SUGCT: variants seen among roughly 807,000 people sequenced by gnomAD.
The protein encoded by SUGCT is succinyl-CoA:glutarate CoA-transferase.
A neutral mutation model predicts 55.0 loss-of-function variants in SUGCT; 41 were observed. The ratio of observed to expected loss-of-function variants is 0.74; its 90% CI spans 0.58 to 0.97. SUGCT has a LOEUF of 0.97. SUGCT is among the 50% of genes least tolerant of loss of function. The probability of loss-of-function intolerance (pLI) is 0.00; values close to 1 mark genes in which losing one functional copy is unlikely to be tolerated. For synonymous variants in SUGCT, 187 were observed against 200.4 expected (o/e 0.93, Z 0.56); for missense variants, 568 against 547.8 (o/e 1.04, Z -0.37).
intron 13 of SUGCT, among the ~76,000 whole-genome samples, chr7:40,810,120 TTTC>T (rs1159698996): frequency 6.6e-6 from 1 of 152,052 alleles, no homozygotes; most frequent in Non-Finnish European, 1.5e-5. Flanking sequence ...GGTAGAATGA[TTTC>T]TTTTCTTTTT....
At chr7:40,683,908 A>C in intron 12 of SUGCT, 1 of 1,135,364 alleles carries the variant, frequency 8.8e-7, no homozygotes. Context: ...AGGTCTCACC[A>C]GGCTAAAATC....
In SUGCT at chr7:40,329,566, G is replaced by A. The variant is rs1360756265; in HGVS notation, c.816+12711G>A. Among the ~76,000 whole-genome samples the A allele has an allele frequency of 2.6e-5, 4 of 152,296 alleles. No homozygotes were observed. In the East Asian group the frequency reaches 5.8e-4, roughly 22 times the overall value. On this transcript the variant is annotated intron_variant, in intron 9 of 13. Transcript: ENST00000335693. ...TCCTTCTCGCCTGAGGGTGAAAGCA[G>A]GTGCGAAATGCTCTGGGTCCTAGTG...
chr7:40,487,250 GTTTTTTTTT>G (rs1167865633), intron 11 of SUGCT, among the ~76,000 whole-genome samples: 1 of 42,906 alleles, frequency 2.3e-5, no homozygotes, highest in Non-Finnish European at 4.5e-5. Context: ...ACACCCAGCT[GTTTTTTTTT>G]TTTTTTTTTT....
chr7:40,230,349 G>C (rs1030552560), intron 6 of SUGCT, among the ~76,000 whole-genome samples: 4 of 152,154 alleles, frequency 2.6e-5, no homozygotes. Context: ...GGTAGTGAGT[G>C]GGGGCTAGGT....
chr7:40,218,208 G>C (rs1462568905), intron 6 of SUGCT, among the ~76,000 whole-genome samples: 1 of 152,142 alleles, frequency 6.6e-6, no homozygotes, highest in African/African-American at 2.4e-5. Context: ...GCTAGACTTT[G>C]TCTCAAAACA....
At chr7:40,474,301 T>C (rs1790545409) in intron 11 of SUGCT, among the ~76,000 whole-genome samples, 1 of 151,936 alleles carries the variant, frequency 6.6e-6, no homozygotes, top group African/African-American at 2.4e-5. Flanking sequence ...AGAAATGGTA[T>C]TGAGTGTGGG....
chr7:40,700,555 A>G (rs567409254), intron 12 of SUGCT, among the ~76,000 whole-genome samples: 1 of 152,290 alleles, frequency 6.6e-6, no homozygotes, highest in East Asian at 1.9e-4. Flanking sequence ...AATTATTTGT[A>G]TTTTTGTTGT....
chr7:41,007,375 G>A, the SUGCT span, among the ~76,000 whole-genome samples: 1 of 152,130 alleles, frequency 6.6e-6, no homozygotes, highest in South Asian at 2.1e-4. Context: ...TTAATCCAGA[G>A]TAAAGCTAGG....
At chr7:40,821,204 G>A (rs905986099) in intron 13 of SUGCT, among the ~76,000 whole-genome samples, 1 of 152,166 alleles carries the variant, frequency 6.6e-6, no homozygotes. Context: ...ATGTTCATCA[G>A]GGATGTTTGT....
intron 12 of SUGCT, among the ~76,000 whole-genome samples, chr7:40,667,020 T>G (rs1801677854): frequency 1.3e-5 from 2 of 150,006 alleles, no homozygotes; most frequent in Admixed American, 1.3e-4. Flanking sequence ...GAGGCTGAGG[T>G]AGGGGGATCA....
chr7:40,929,960 A>G, the SUGCT span, among the ~76,000 whole-genome samples: 1 of 152,088 alleles, frequency 6.6e-6, no homozygotes. Context: ...TTTTGTTGCC[A>G]TTGCTTTTGG....
chr7:40,892,787 C>T, the SUGCT span, among the ~76,000 whole-genome samples: 9 of 152,172 alleles, frequency 5.9e-5, no homozygotes, highest in Admixed American at 1.3e-4. Context: ...ATCCTCTCAT[C>T]GTGACCTCAC....
chr7:40,565,382 A>T (rs1201586918), intron 12 of SUGCT, among the ~76,000 whole-genome samples: 1 of 152,226 alleles, frequency 6.6e-6, no homozygotes, highest in Non-Finnish European at 1.5e-5. Flanking sequence ...AAGTAAAGGG[A>T]ATATGGCTTT....
rs1009532473 is a variant in SUGCT at position 40,163,421 on chromosome 7, C to T, written c.101-17526C>T. The stretch of plus-strand genomic sequence containing the variant: ...GAGATCAAGACCATCCTGGCTAACA[C>T]GGTGAAACCCCATCTCTACTACAAA... On this transcript the variant is annotated intron_variant, in intron 1 of 13. Coordinates refer to ENST00000335693, the MANE Select transcript of SUGCT (RefSeq NM_001193313.2). 8.5e-4 allele frequency among the ~76,000 whole-genome samples: 130 copies of T among 152,096 alleles called. 1 individual carries two copies. Among genetic ancestry groups the T allele is most frequent in the Admixed American group, 6.9e-3 (105 of 15,270 alleles).
chr7:40,671,658 A>G (rs962913349), intron 12 of SUGCT, among the ~76,000 whole-genome samples: 1 of 152,182 alleles, frequency 6.6e-6, no homozygotes, highest in East Asian at 1.9e-4. Flanking sequence ...CTAACAAAAC[A>G]TATATAGCAC....
chr7:40,606,340 G>A (rs556433177), intron 12 of SUGCT, among the ~76,000 whole-genome samples: 2 of 152,166 alleles, frequency 1.3e-5, no homozygotes, highest in Admixed American at 6.5e-5. Flanking sequence ...TGCTGCAGTC[G>A]TGAGTTTCAC....
At chr7:40,843,139 G>A (rs1793360789) in intron 13 of SUGCT, among the ~76,000 whole-genome samples, 1 of 152,174 alleles carries the variant, frequency 6.6e-6, no homozygotes, top group Non-Finnish European at 1.5e-5. Flanking sequence ...AGATGTACAT[G>A]AAAAGGACTC....
intron 13 of SUGCT, among the ~76,000 whole-genome samples, chr7:40,850,908 G>T (rs1230340793): frequency 6.6e-6 from 1 of 152,174 alleles, no homozygotes; most frequent in African/African-American, 2.4e-5. Flanking sequence ...AGTTGCTAAG[G>T]TCATCACTGT....
At chr7:40,281,975 C>T (rs999965677) in intron 8 of SUGCT, among the ~76,000 whole-genome samples, 10 of 152,116 alleles carry the variant, frequency 6.6e-5, no homozygotes, top group Non-Finnish European at 1.3e-4. Flanking sequence ...CACAAACCAC[C>T]ACACCCAGCT....
Sources: allele counts gnomAD v4.1 joint callset (sites outside exome capture counted in the v4.1 genomes callset), GRCh38; gene constraint gnomAD v4.1.1; transcripts MANE v1.5; gene names NCBI Gene and HGNC (gene_info 2026-07-23, HGNC 2026-07-21).